MEP1A: variants seen among roughly 807,000 people sequenced by gnomAD.
MEP1A encodes the protein meprin A subunit alpha, also known as N-benzoyl-L-tyrosyl-P-amino-benzoic acid hydrolase subunit alpha.
In MEP1A, 68 loss-of-function variants were observed where a neutral mutation model predicts 84.5. The observed-to-expected ratio is 0.80, with a 90% CI of 0.66 to 0.98. The LOEUF is 0.98. Among genes scored for constraint, MEP1A ranks in the 50% least tolerant of loss-of-function variants. The pLI, the probability that MEP1A is intolerant of heterozygous loss-of-function variation, is 0.00. For synonymous variants in MEP1A, 337 were observed against 336.8 expected (o/e 1.00, Z -0.01); for missense variants, 887 against 919.9 (o/e 0.96, Z 0.46).
At chr6:46,832,256 C>T (rs1217926324) in intron 10 of MEP1A, among the ~76,000 whole-genome samples, 1 of 152,204 alleles carries the variant, frequency 6.6e-6, no homozygotes, top group Non-Finnish European at 1.5e-5. Flanking sequence ...AGTGTAGGCA[C>T]ATCTCTTTGC....
chr6:46,815,922 T>C (rs1767623527), intron 6 of MEP1A, among the ~76,000 whole-genome samples: 1 of 152,146 alleles, frequency 6.6e-6, no homozygotes, highest in Non-Finnish European at 1.5e-5. Context: ...CTTTTGGAGC[T>C]TATTCATTTA....
intron 5 of MEP1A, among the ~76,000 whole-genome samples, chr6:46,800,747 A>G (rs1201810466): frequency 6.6e-6 from 1 of 152,180 alleles, no homozygotes; most frequent in Non-Finnish European, 1.5e-5. Flanking sequence ...TGACAAACAC[A>G]TATACCTATA....
At chr6:46,814,328 C>T (rs904690664) in intron 6 of MEP1A, among the ~76,000 whole-genome samples, 9 of 151,708 alleles carry the variant, frequency 5.9e-5, no homozygotes, top group Non-Finnish European at 8.8e-5. Flanking sequence ...TCTGCTTGTT[C>T]GATTCTATTG....
chr6:46,807,792 AAAGAAAG>A (rs1562107030), intron 5 of MEP1A, among the ~76,000 whole-genome samples: 2 of 136,634 alleles, frequency 1.5e-5, no homozygotes, highest in African/African-American at 5.8e-5. Flanking sequence ...AGAAAGAAAG[AAAGAAAG>A]AAAGAAAGAA....
chr6:46,831,445 T>C (rs1768073179), intron 10 of MEP1A, among the ~76,000 whole-genome samples: 1 of 152,180 alleles, frequency 6.6e-6, no homozygotes, highest in Admixed American at 6.5e-5. Flanking sequence ...GACTTCCTTA[T>C]AGAAGACAAT....
At chr6:46,822,756 G>C (rs1365811312) in intron 7 of MEP1A, among the ~76,000 whole-genome samples, 1 of 152,120 alleles carries the variant, frequency 6.6e-6, no homozygotes, top group African/African-American at 2.4e-5. Flanking sequence ...TGTGGACCAG[G>C]CTGGTCTCGA....
At chr6:46,822,728 A>T (rs575380744) in intron 7 of MEP1A, among the ~76,000 whole-genome samples, 103 of 152,034 alleles carry the variant, frequency 6.8e-4, no homozygotes, top group Admixed American at 1.4e-3. Flanking sequence ...ATTTTTTAGT[A>T]GAGATGGGGT....
intron 5 of MEP1A, among the ~76,000 whole-genome samples, chr6:46,802,382 C>T (rs980288024): frequency 6.6e-6 from 1 of 151,694 alleles, no homozygotes; most frequent in Non-Finnish European, 1.5e-5. Flanking sequence ...ATGTTTTCTG[C>T]TAATATATAA....
In MEP1A at chr6:46,833,147, G is replaced by A. The variant is rs1485425769; in HGVS notation, c.1218G>A (p.Gln406=). 6.4e-7 allele frequency: 1 copy of A among 1,573,526 alleles called. No individual in the cohort carries two copies. The highest frequency in any genetic ancestry group is 1.2e-5 in the South Asian group (1 of 83,532). ...AACAGAAGTTTCGCTACCTTTTCCA[G>A]GGCACAAAAGGCGACCCTCAGAACT... is the stretch of plus-strand genomic sequence containing the variant. The part of the protein sequence containing the change: ...KEEQKFRYLF[Q]GTKGDPQNST... The change falls in exon 11 of 14, where the codon CAG becomes CAA. Residue 406 remains glutamine (Q), a synonymous_variant. Transcript: ENST00000230588.
At chr6:46,797,834 CTT>C (rs1313377732) in intron 3 of MEP1A, among the ~76,000 whole-genome samples, 7 of 145,296 alleles carry the variant, frequency 4.8e-5, no homozygotes, top group African/African-American at 7.8e-5. Flanking sequence ...TTCTTTCTTT[CTT>C]TCTCTCTCTC....
At chr6:46,843,039 C>A (rs1768360905), downstream of MEP1A, among the ~76,000 whole-genome samples, 1 of 152,224 alleles carries the variant, frequency 6.6e-6, no homozygotes, top group Non-Finnish European at 1.5e-5. Context: ...ATTAAAGGTT[C>A]ATTCTAGACA....
chr6:46,809,191 G>T (rs142874516), intron 5 of MEP1A, among the ~76,000 whole-genome samples: 2 of 152,016 alleles, frequency 1.3e-5, no homozygotes, highest in East Asian at 1.9e-4. Flanking sequence ...AGACATATTT[G>T]CATTGTGCAT....
downstream of MEP1A, among the ~76,000 whole-genome samples, chr6:46,841,691 C>T (rs1373773505): frequency 6.6e-6 from 1 of 152,204 alleles, no homozygotes; most frequent in Non-Finnish European, 1.5e-5. Flanking sequence ...CTCGATACAT[C>T]CCCATCTGCA....
intron 9 of MEP1A, among the ~76,000 whole-genome samples, chr6:46,828,766 A>C (rs1178634543): frequency 6.6e-6 from 1 of 152,176 alleles, no homozygotes; most frequent in Non-Finnish European, 1.5e-5. Flanking sequence ...GTGTCCTTCC[A>C]ATTCCTTCCT....
At position 46,833,282 on chromosome 6, in the gene MEP1A, G is replaced by T. The variant is rs767276885; in HGVS notation, c.1353G>T (p.Gly451=). The T allele has an allele frequency of 6.2e-7, 1 of 1,614,080 alleles. No homozygotes were observed. Among genetic ancestry groups the T allele is most frequent in the Non-Finnish European group, 8.5e-7 (1 of 1,180,044 alleles). ...AAGTCCTTGAGAACACCAGCAAAGG[G>T]GACAAGCTTCAGAGCCCTCGATTCT... ...FSQVLENTSK[G]DKLQSPRFYN... Residue 451 remains glycine, a synonymous_variant, in exon 11 of 14, where the codon GGG becomes GGT. Transcript: ENST00000230588.
Position 46,839,040 on chromosome 6 carries a change from C to T in MEP1A, c.2145C>T (p.His715=), listed in dbSNP as rs753884321. The T allele has an allele frequency of 1.9e-5, 31 of 1,613,624 alleles. No individual in the cohort carries two copies. The highest frequency in any genetic ancestry group is 2.3e-5 in the Non-Finnish European group (27 of 1,179,720). The change falls in exon 14 of 14, where the codon CAC becomes CAT. Residue 715 remains histidine (H), a synonymous_variant. Transcript: ENST00000230588. ...TGERCQAVQV[H]GSVLGMVIGG... ...AGCGCTGTCAGGCCGTGCAGGTGCA[C>T]GGCAGTGTCCTGGGCATGGTGATCG...
chr6:46,805,310 C>T (rs973375262), intron 5 of MEP1A, among the ~76,000 whole-genome samples: 4 of 151,854 alleles, frequency 2.6e-5, no homozygotes, highest in Admixed American at 2.0e-4. Context: ...CCTTTGCTAA[C>T]ATTTGGTGTT....
chr6:46,845,495 T>C, the MEP1A span, among the ~76,000 whole-genome samples: 5 of 152,242 alleles, frequency 3.3e-5, no homozygotes, highest in Non-Finnish European at 4.4e-5. Context: ...GAACGTCTGG[T>C]ACTCACAGAA....
Position 46,819,714 on chromosome 6 carries a change from G to A in MEP1A, c.556+10G>A. ...GACCAAATTCTTTCAGGTGTGATTG[G>A]GCGGAGATTGCTATCACATTTATCA... On this transcript the variant is annotated intron_variant, in intron 7 of 13. Transcript: ENST00000230588. 6.2e-7 allele frequency: 1 copy of A among 1,611,252 alleles called. No individual in the cohort carries two copies. Among genetic ancestry groups the A allele is most frequent in the Non-Finnish European group, 8.5e-7 (1 of 1,178,496 alleles).
Sources: gnomAD v4.1 joint callset for allele counts (sites outside exome capture counted in the v4.1 genomes callset) on GRCh38, gnomAD v4.1.1 for gene constraint, MANE v1.5 for transcripts, NCBI Gene and HGNC (gene_info 2026-07-23, HGNC 2026-07-21) for gene names.